Variants in TENM4 observed in about 807,000 individuals in gnomAD.
TENM4 encodes teneurin transmembrane protein 4.
In TENM4, 82 loss-of-function variants were observed where a neutral mutation model predicts 243.3. The observed-to-expected ratio is 0.34, with a 90% confidence interval of 0.28 to 0.40. The LOEUF (loss-of-function observed/expected upper bound fraction) is 0.40, where lower values mean the gene tolerates loss of function less well. TENM4 is among the 10% of genes least tolerant of loss of function. The probability of loss-of-function intolerance (pLI) is 1.00; values close to 1 mark genes in which losing one functional copy is unlikely to be tolerated. For synonymous variants in TENM4, 1,412 were observed against 1,456.3 expected, an observed-to-expected ratio of 0.97 and a Z score of 0.69; for missense variants, 3,138 against 3,673.3, an observed-to-expected ratio of 0.85 and a Z score of 3.77.
At chr11:78,755,220 A>C (rs1856278911) in intron 19 of TENM4, among the ~76,000 whole-genome samples, 1 of 151,976 alleles carries the variant, frequency 6.6e-6, no homozygotes, top group Admixed American at 6.6e-5. Context: ...GCTGGAGTGC[A>C]GTGGGACGGT....
chr11:79,305,994 C>A (rs1590866806), intron 1 of TENM4, among the ~76,000 whole-genome samples: 1 of 152,252 alleles, frequency 6.6e-6, no homozygotes, highest in Admixed American at 6.5e-5. Context: ...TCCACCCAAG[C>A]TGTTCCTCTC....
At chr11:79,098,191 C>T (rs570206029) in intron 4 of TENM4, among the ~76,000 whole-genome samples, 14 of 151,634 alleles carry the variant, frequency 9.2e-5, no homozygotes, top group African/African-American at 3.4e-4. Flanking sequence ...GCCTTCAAAA[C>T]CCTGCATGCG....
chr11:79,063,684 C>T (rs529599739), intron 6 of TENM4, among the ~76,000 whole-genome samples: 2 of 152,296 alleles, frequency 1.3e-5, no homozygotes, highest in East Asian at 3.9e-4. Context: ...GGACCACGTT[C>T]GACTCAGAGC....
intron 4 of TENM4, among the ~76,000 whole-genome samples, chr11:79,080,755 G>C (rs904675744): frequency 6.6e-6 from 1 of 152,160 alleles, no homozygotes. Context: ...TGTACTTCAG[G>C]CCCCAGGGAA....
intron 4 of TENM4, among the ~76,000 whole-genome samples, chr11:79,099,280 G>T (rs1469819907): frequency 5.9e-5 from 9 of 152,084 alleles, no homozygotes; most frequent in Admixed American, 5.2e-4. Context: ...CAGTGCCTTT[G>T]CTCCAGACCC....
At chr11:79,352,769 G>C (rs1046592250) in intron 1 of TENM4, among the ~76,000 whole-genome samples, 2 of 152,218 alleles carry the variant, frequency 1.3e-5, no homozygotes, top group Non-Finnish European at 2.9e-5. Context: ...AAGGGAGGAA[G>C]AGAGCGGGAG....
intron 18 of TENM4, among the ~76,000 whole-genome samples, chr11:78,770,555 CAG>C (rs560196681): frequency 1.4e-4 from 21 of 152,220 alleles, no homozygotes; most frequent in Non-Finnish European, 2.8e-4. Flanking sequence ...CCTCCAGAAT[CAG>C]AGGAGAAGAG....
At chr11:78,961,586 C>T (rs1470367443) in intron 6 of TENM4, among the ~76,000 whole-genome samples, 1 of 152,194 alleles carries the variant, frequency 6.6e-6, no homozygotes, top group East Asian at 1.9e-4. Context: ...GGCTTCAGGG[C>T]CGCCTGTCTC....
At chr11:78,791,061 T>C (rs978692233) in intron 15 of TENM4, among the ~76,000 whole-genome samples, 3 of 152,128 alleles carry the variant, frequency 2.0e-5, no homozygotes, top group African/African-American at 7.2e-5. Context: ...CACATTTTAA[T>C]GGAAGGGCCC....
chr11:79,190,816 CTCTCCCTCTCCCT>C (rs1180349823), intron 3 of TENM4, among the ~76,000 whole-genome samples: 4 of 106,894 alleles, frequency 3.7e-5, no homozygotes, highest in African/African-American at 1.3e-4. Flanking sequence ...TCCCGTCTCC[CTCTCCCTCTCCCT>C]TCTCCCTCTC....
chr11:79,192,581 A>G (rs1275518336), intron 3 of TENM4, among the ~76,000 whole-genome samples: 2 of 151,980 alleles, frequency 1.3e-5, no homozygotes, highest in Admixed American at 6.5e-5. Flanking sequence ...ATGCTCGTTT[A>G]AGAGTCATCA....
intron 3 of TENM4, among the ~76,000 whole-genome samples, chr11:79,185,270 A>G (rs2135149105): frequency 6.6e-6 from 1 of 152,264 alleles, no homozygotes; most frequent in South Asian, 2.1e-4. Context: ...TGCACTCTCC[A>G]GCTTGGGTGA....
intron 27 of TENM4, among the ~76,000 whole-genome samples, chr11:78,703,875 T>A (rs4945309): frequency 1 from 151,550 of 151,552 alleles, 75,774 homozygotes; most frequent in Non-Finnish European, 1. Context: ...TGTGTATGAC[T>A]GGGTCTCACT....
chr11:79,261,432 A>T (rs1331118547), intron 2 of TENM4, among the ~76,000 whole-genome samples: 2 of 152,166 alleles, frequency 1.3e-5, no homozygotes, highest in East Asian at 3.9e-4. Flanking sequence ...CCTTCAAGAA[A>T]TGCTTGCTGT....
intron 3 of TENM4, among the ~76,000 whole-genome samples, chr11:79,193,491 C>G (rs758670872): frequency 6.6e-6 from 1 of 152,202 alleles, no homozygotes; most frequent in African/African-American, 2.4e-5. Flanking sequence ...GGAGACAAAG[C>G]TTGTGGCCCG....
intron 10 of TENM4, among the ~76,000 whole-genome samples, chr11:78,862,141 C>G (rs925708555): frequency 2.0e-5 from 3 of 152,154 alleles, no homozygotes; most frequent in Non-Finnish European, 4.4e-5. Context: ...GAATTTCACA[C>G]CCACATCTCC....
At chr11:78,821,142 C>T (rs1857717588) in intron 12 of TENM4, among the ~76,000 whole-genome samples, 1 of 152,208 alleles carries the variant, frequency 6.6e-6, no homozygotes, top group Non-Finnish European at 1.5e-5. Flanking sequence ...ATCCAGAAGT[C>T]CACCAACCAC....
chr11:79,067,021 C>T (rs978022204), intron 5 of TENM4, among the ~76,000 whole-genome samples: 2 of 152,234 alleles, frequency 1.3e-5, no homozygotes, highest in Non-Finnish European at 2.9e-5. Context: ...GTGCCTCCTT[C>T]CACACCCAGT....
intron 6 of TENM4, among the ~76,000 whole-genome samples, chr11:79,009,723 T>A (rs1591204430): frequency 3.9e-5 from 6 of 152,290 alleles, no homozygotes; most frequent in Admixed American, 3.9e-4. Flanking sequence ...TTGACCAACG[T>A]CTTGGGGAAA....
Sources: allele counts gnomAD v4.1 joint callset (sites outside exome capture counted in the v4.1 genomes callset), GRCh38; gene constraint gnomAD v4.1.1; transcripts MANE v1.5; gene names NCBI Gene and HGNC (gene_info 2026-07-23, HGNC 2026-07-21).